Variants in DLG2 observed in about 807,000 individuals in gnomAD.
DLG2 encodes disks large homolog 2.
In DLG2, 45 loss-of-function variants were observed where a neutral mutation model predicts 132.5. That is an observed-to-expected ratio of 0.34 (90% CI 0.27 to 0.44). DLG2 has a LOEUF of 0.44. DLG2 is among the 20% of genes least tolerant of loss of function. DLG2 has a pLI of 1.00. For synonymous variants in DLG2, 424 were observed against 419.6 expected, an observed-to-expected ratio of 1.01 and a Z score of -0.13; for missense variants, 1,045 against 1,196.9, an observed-to-expected ratio of 0.87 and a Z score of 1.87.
intron 15 of DLG2, among the ~76,000 whole-genome samples, chr11:83,923,047 A>C (rs754647725): frequency 9.9e-5 from 15 of 152,120 alleles, no homozygotes; most frequent in Admixed American, 3.9e-4. Flanking sequence ...AAAAGGAAAA[A>C]TATGTGACAT....
chr11:84,890,048 C>T (rs1484413516), intron 6 of DLG2, among the ~76,000 whole-genome samples: 1 of 152,192 alleles, frequency 6.6e-6, no homozygotes, highest in Non-Finnish European at 1.5e-5. Flanking sequence ...TATATAGCTA[C>T]TTGGCATTTC....
chr11:85,375,968 A>C (rs1455805802), intron 3 of DLG2, among the ~76,000 whole-genome samples: 1 of 152,214 alleles, frequency 6.6e-6, no homozygotes, highest in Non-Finnish European at 1.5e-5. Context: ...TCCAATGAGA[A>C]AGAAAAATGC....
At chr11:84,193,752 C>T (rs1017263955) in intron 8 of DLG2, among the ~76,000 whole-genome samples, 1 of 152,182 alleles carries the variant, frequency 6.6e-6, no homozygotes, top group Non-Finnish European at 1.5e-5. Context: ...ATGGTCAAAA[C>T]AACAATAATG....
chr11:83,510,971 A>C (rs2139870067), intron 21 of DLG2, among the ~76,000 whole-genome samples: 1 of 150,874 alleles, frequency 6.6e-6, no homozygotes, highest in East Asian at 2.0e-4. Flanking sequence ...CCATGAAGAT[A>C]CATAAACACA....
intron 25 of DLG2, among the ~76,000 whole-genome samples, chr11:83,468,662 G>T (rs1258312148): frequency 6.6e-6 from 1 of 152,026 alleles, no homozygotes; most frequent in Non-Finnish European, 1.5e-5. Flanking sequence ...CCACACCCAG[G>T]TGCCTTCCTA....
rs150601582 is a variant in DLG2, at chr11:84,798,192, A to C, written c.358-263461T>G. 9.4e-4 allele frequency among the ~76,000 whole-genome samples: 143 copies of C among 152,220 alleles called. 3 individuals are homozygous for C. Among genetic ancestry groups the C allele is most frequent in the Middle Eastern group, 6.8e-3 (2 of 294 alleles). On this transcript the variant is annotated intron_variant, in intron 6 of 27. Transcript: ENST00000376104. ...CTGCTTGGCTACCACCTGTGTTCAT[A>C]TGAGGTCCTAAGGCTCTAGAATCAG... is the stretch of plus-strand genomic sequence containing the variant.
chr11:85,284,999 T>C (rs2078466119), intron 4 of DLG2, among the ~76,000 whole-genome samples: 1 of 151,888 alleles, frequency 6.6e-6, no homozygotes, highest in Non-Finnish European at 1.5e-5. Flanking sequence ...TTTGCTAACA[T>C]AACCCACTCA....
chr11:84,209,909 T>A (rs1476023080), intron 8 of DLG2, among the ~76,000 whole-genome samples: 1 of 152,212 alleles, frequency 6.6e-6, no homozygotes, highest in Non-Finnish European at 1.5e-5. Flanking sequence ...CAGGTTCTGA[T>A]TAAAGATTAG....
intron 6 of DLG2, among the ~76,000 whole-genome samples, chr11:84,768,329 C>G (rs1467221620): frequency 6.6e-6 from 1 of 151,836 alleles, no homozygotes; most frequent in Non-Finnish European, 1.5e-5. Context: ...AACAGCCAAC[C>G]CTATTATGAA....
intron 6 of DLG2, among the ~76,000 whole-genome samples, chr11:84,662,290 C>T (rs1345047973): frequency 2.6e-5 from 4 of 151,102 alleles, no homozygotes; most frequent in Admixed American, 2.6e-4. Context: ...GATTCTCCTG[C>T]CTCAGCCTCC....
intron 18 of DLG2, among the ~76,000 whole-genome samples, chr11:83,749,816 T>C (rs12786565): frequency 0.05 from 7,568 of 152,260 alleles, 232 homozygotes; most frequent in Middle Eastern, 0.11. Context: ...ATGGGTATGT[T>C]TGTAAACACT....
At chr11:84,749,410 A>G (rs1299962506) in intron 6 of DLG2, among the ~76,000 whole-genome samples, 1 of 152,214 alleles carries the variant, frequency 6.6e-6, no homozygotes, top group Non-Finnish European at 1.5e-5. Context: ...AACTGCATAT[A>G]AGATAGTGGT....
chr11:83,507,507 T>C lies in DLG2; in HGVS notation c.2194-23279A>G, dbSNP rs1166757324. Among the ~76,000 whole-genome samples, 8 of 146,512 alleles carry C rather than the reference T, an allele frequency of 5.5e-5. No homozygotes were observed. The East Asian group carries it at 1.6e-3, about 29-fold the overall frequency. ...TCCATATATATACACATATATATCC[T>C]CTATATATATATCCATATATATATC... On this transcript the variant is annotated intron_variant, in intron 21 of 27. Transcript: ENST00000376104.
At chr11:85,052,244 G>C (rs2062974889) in intron 6 of DLG2, among the ~76,000 whole-genome samples, 1 of 152,122 alleles carries the variant, frequency 6.6e-6, no homozygotes, top group Non-Finnish European at 1.5e-5. Flanking sequence ...TTGGATAAAT[G>C]AACAAACATC....
chr11:85,141,808 G>A (rs953349216), intron 5 of DLG2, among the ~76,000 whole-genome samples: 9 of 151,810 alleles, frequency 5.9e-5, no homozygotes, highest in African/African-American at 2.2e-4. Flanking sequence ...TTATTAAAGA[G>A]ACTGTCCTTT....
intron 15 of DLG2, among the ~76,000 whole-genome samples, chr11:83,888,300 C>A (rs2068573911): frequency 6.6e-6 from 1 of 152,136 alleles, no homozygotes; most frequent in Non-Finnish European, 1.5e-5. Context: ...TTCTTATACA[C>A]AAATAACAGA....
intron 8 of DLG2, among the ~76,000 whole-genome samples, chr11:84,174,046 C>T (rs1243787677): frequency 1.4e-4 from 3 of 21,352 alleles, no homozygotes; most frequent in Non-Finnish European, 3.3e-4. Context: ...TCTGAGTAAA[C>T]ACTTAAGTAC....
At chr11:84,214,512 C>A (rs1329999053) in intron 8 of DLG2, among the ~76,000 whole-genome samples, 2 of 151,784 alleles carry the variant, frequency 1.3e-5, no homozygotes, top group Admixed American at 6.6e-5. Context: ...AGTTCAACCT[C>A]AGTTTTTGTA....
At chr11:83,494,918 T>C (rs1442173771) in intron 21 of DLG2, among the ~76,000 whole-genome samples, 1 of 152,156 alleles carries the variant, frequency 6.6e-6, no homozygotes. Flanking sequence ...GAATAGAAGA[T>C]TCAAATGCAA....
Sources: gnomAD v4.1 joint callset for allele counts (sites outside exome capture counted in the v4.1 genomes callset) on GRCh38, gnomAD v4.1.1 for gene constraint, MANE v1.5 for transcripts, NCBI Gene and HGNC (gene_info 2026-07-23, HGNC 2026-07-21) for gene names.